The following FAM110B variants were observed in gnomAD, a reference collection of about 807,000 sequenced individuals.
The protein encoded by FAM110B is protein FAM110B.
Under a neutral mutation model 20.4 loss-of-function variants are expected in FAM110B, and 6 were observed. The ratio of observed to expected loss-of-function variants is 0.29; its 90% CI spans 0.16 to 0.58. The LOEUF is 0.58. FAM110B is among the 20% of genes least tolerant of loss of function. FAM110B has a pLI of 0.90. For missense variants in FAM110B, 434 were observed against 498.2 expected (o/e 0.87, Z 1.23); for synonymous variants, 226 against 214.1 (o/e 1.06, Z -0.49).
intron 2 of FAM110B, among the ~76,000 whole-genome samples, chr8:58,047,591 CCTCTCTCTCTCTCTCTCTCTCTCTCTCT>C (rs56031012): frequency 1.3e-5 from 1 of 74,646 alleles, no homozygotes; most frequent in Non-Finnish European, 3.0e-5. Context: ...CTTCCTTTTT[CCTCTCTCTCTCTCTCTCTCTCTCTCTCT>C]CTCTCTCTCT....
intron 1 of FAM110B, among the ~76,000 whole-genome samples, chr8:58,009,178 G>A (rs988134857): frequency 5.9e-5 from 9 of 152,236 alleles, no homozygotes; most frequent in Non-Finnish European, 1.2e-4. Context: ...ATCTGCTTTG[G>A]TCTTAAACCT....
chr8:58,114,942 G>A (rs193095068), intron 3 of FAM110B, among the ~76,000 whole-genome samples: 158 of 151,974 alleles, frequency 1.0e-3, no homozygotes, highest in African/African-American at 3.6e-3. Context: ...GATGGTCTTC[G>A]CTGGAATCAG....
rs574535921 is a variant in FAM110B at position 58,060,011 on chromosome 8, T to G, written c.-413-15524T>G. ...AAATACTTTAAATTTTTCATTGTAT[T>G]GTCTTAGTGCCTTTGTTAAAAATTG... On this transcript the variant is annotated intron_variant, in intron 2 of 3. Transcript: ENST00000519262. Among the ~76,000 whole-genome samples, 4 of 152,310 alleles carry G rather than the reference T, an allele frequency of 2.6e-5. No homozygotes were observed. In the East Asian group the frequency reaches 7.7e-4, roughly 29 times the overall value.
At chr8:58,104,209 A>T (rs1027617866) in intron 3 of FAM110B, among the ~76,000 whole-genome samples, 37 of 152,280 alleles carry the variant, frequency 2.4e-4, no homozygotes, top group Admixed American at 2.0e-3. Flanking sequence ...GTTGAAAGGG[A>T]CACTATAGTT....
intron 2 of FAM110B, among the ~76,000 whole-genome samples, chr8:58,061,544 G>A (rs1338022595): frequency 3.9e-5 from 6 of 152,188 alleles, no homozygotes; most frequent in Non-Finnish European, 8.8e-5. Context: ...TAAAGATCAT[G>A]AGCAGTCATT....
At chr8:58,069,559 A>G (rs960027832) in intron 2 of FAM110B, among the ~76,000 whole-genome samples, 1 of 152,170 alleles carries the variant, frequency 6.6e-6, no homozygotes, top group Non-Finnish European at 1.5e-5. Context: ...TTTTCCTTTT[A>G]CAATAACTTC....
rs572602829 is a variant in FAM110B at position 58,109,979 on chromosome 8, T to TA, written c.-325+34357dup. Among the ~76,000 whole-genome samples, 14 of 152,336 alleles carry TA rather than the reference T, an allele frequency of 9.2e-5. No homozygotes were observed. The East Asian group carries it at 2.1e-3, about 23-fold the overall frequency. On this transcript the variant is annotated intron_variant, in intron 3 of 3. Coordinates refer to ENST00000519262, the MANE Select transcript of FAM110B (RefSeq NM_001377989.1). ...TTCGGAACATCATACTCTCCATGTT[T>TA]ACTGTGATGATTCTTCTCTTCCATC...
chr8:58,139,448 G>A (rs910821107), intron 3 of FAM110B, among the ~76,000 whole-genome samples: 5 of 152,180 alleles, frequency 3.3e-5, no homozygotes, highest in African/African-American at 4.8e-5. Context: ...CCAGATGGTT[G>A]GCCCTCTGAT....
At chr8:58,070,151 T>C (rs1805858932) in intron 2 of FAM110B, 4 of 152,298 alleles carry the variant, frequency 2.6e-5, no homozygotes, top group Admixed American at 2.6e-4. Context: ...TTTTCCTCAT[T>C]GGTTGGTGGC....
At chr8:58,006,925 T>TATATG (rs1563494782) in intron 1 of FAM110B, among the ~76,000 whole-genome samples, 1 of 55,808 alleles carries the variant, frequency 1.8e-5, no homozygotes, top group African/African-American at 5.7e-5. Context: ...ATATATATAT[T>TATATG]TTTCCAAAAC....
chr8:58,105,555 AATT>A (rs1307976136), intron 3 of FAM110B, among the ~76,000 whole-genome samples: 3 of 134,550 alleles, frequency 2.2e-5, no homozygotes, highest in African/African-American at 8.8e-5. Context: ...TGAATGAATG[AATT>A]TTTTTTTTTT....
chr8:58,039,394 C>T (rs1805154876), intron 2 of FAM110B, among the ~76,000 whole-genome samples: 1 of 152,194 alleles, frequency 6.6e-6, no homozygotes, highest in African/African-American at 2.4e-5. Context: ...CACCACAGGC[C>T]TGTTCCAGGG....
intron 2 of FAM110B, among the ~76,000 whole-genome samples, chr8:58,042,104 G>C (rs1105302): frequency 6.6e-6 from 1 of 151,962 alleles, no homozygotes; most frequent in Non-Finnish European, 1.5e-5. Context: ...TTATGTGACT[G>C]TTATAATCAG....
chr8:58,079,246 G>T (rs1806124726), intron 3 of FAM110B, among the ~76,000 whole-genome samples: 1 of 152,186 alleles, frequency 6.6e-6, no homozygotes, highest in Non-Finnish European at 1.5e-5. Flanking sequence ...ACTGTGCCGG[G>T]AGCCAGGCTT....
intron 3 of FAM110B, among the ~76,000 whole-genome samples, chr8:58,111,071 A>G (rs1807045675): frequency 2.0e-5 from 3 of 152,174 alleles, no homozygotes; most frequent in Admixed American, 1.3e-4. Context: ...ATGTTAAGAA[A>G]AATATTGGAC....
chr8:58,078,771 G>C (rs535617594), intron 3 of FAM110B, among the ~76,000 whole-genome samples: 15 of 151,768 alleles, frequency 9.9e-5, no homozygotes, highest in African/African-American at 2.9e-4. Flanking sequence ...AGGATGGTCT[G>C]GATCTCCTGA....
chr8:58,056,530 C>T (rs536239182), intron 2 of FAM110B, among the ~76,000 whole-genome samples: 2 of 152,256 alleles, frequency 1.3e-5, no homozygotes, highest in Non-Finnish European at 1.5e-5. Context: ...AAACTAAAAT[C>T]TTCATGAAGG....
Position 58,067,689 on chromosome 8 carries a change from T to C in FAM110B, c.-413-7846T>C, listed in dbSNP as rs1805802162. On this transcript the variant is annotated intron_variant, in intron 2 of 3. Coordinates refer to ENST00000519262, the MANE Select transcript of FAM110B (RefSeq NM_001377989.1). ...ATTCCCACATTACAACAGAAGCTCCTTTAGGAATCAGAATGCTCTGTTATT... is the reference window on the plus strand; with the variant it reads ...ATTCCCACATTACAACAGAAGCTCCCTTAGGAATCAGAATGCTCTGTTATT... Among the ~76,000 whole-genome samples, 3 of 152,252 alleles carry C rather than the reference T, an allele frequency of 2.0e-5. No individual in the cohort carries two copies. In the South Asian group the frequency reaches 6.2e-4, roughly 31 times the overall value.
intron 3 of FAM110B, among the ~76,000 whole-genome samples, chr8:58,108,426 AC>A (rs1806972920): frequency 6.6e-6 from 1 of 152,222 alleles, no homozygotes; most frequent in South Asian, 2.1e-4. Flanking sequence ...GCCTGGTGTC[AC>A]TTGCTGGCAG....
Sources: gnomAD v4.1 joint callset for allele counts (sites outside exome capture counted in the v4.1 genomes callset) on GRCh38, gnomAD v4.1.1 for gene constraint, MANE v1.5 for transcripts, NCBI Gene and HGNC (gene_info 2026-07-23, HGNC 2026-07-21) for gene names.